Variants in ARHGAP12 observed in about 807,000 individuals in gnomAD.
ARHGAP12 encodes the protein Rho GTPase activating protein 12.
Under a neutral mutation model 108.6 loss-of-function variants are expected in ARHGAP12, and 64 were observed. The observed-to-expected ratio is 0.59, with a 90% CI of 0.48 to 0.73. The LOEUF is 0.73. ARHGAP12 is among the 30% of genes least tolerant of loss of function. The probability of loss-of-function intolerance (pLI) is 0.00; values close to 1 mark genes in which losing one functional copy is unlikely to be tolerated. For synonymous variants in ARHGAP12, 312 were observed against 337.2 expected (o/e 0.93, Z 0.82); for missense variants, 940 against 1,005.9 (o/e 0.93, Z 0.89).
intron 3 of ARHGAP12, among the ~76,000 whole-genome samples, chr10:31,900,440 T>G (rs1006557441): frequency 1.3e-5 from 2 of 152,104 alleles, no homozygotes; most frequent in East Asian, 1.9e-4. Flanking sequence ...CAACAAAAAC[T>G]GGAAGCAACC....
intron 9 of ARHGAP12, among the ~76,000 whole-genome samples, chr10:31,832,823 T>C (rs1564377476): frequency 1.3e-5 from 2 of 152,174 alleles, no homozygotes; most frequent in South Asian, 2.1e-4. Flanking sequence ...GAAAGTTTCG[T>C]CTGGTCTGAT....
chr10:31,926,775 C>T (rs1840066186), intron 1 of ARHGAP12, among the ~76,000 whole-genome samples: 1 of 152,178 alleles, frequency 6.6e-6, no homozygotes, highest in Non-Finnish European at 1.5e-5. Context: ...AAAGAAAAGT[C>T]AAATGATTAA....
At chr10:31,876,543 C>T (rs1193915923) in intron 3 of ARHGAP12, among the ~76,000 whole-genome samples, 1 of 133,084 alleles carries the variant, frequency 7.5e-6, no homozygotes, top group Admixed American at 7.6e-5. Flanking sequence ...AACAAAAAAC[C>T]ACCAAAAAAA....
At chr10:31,868,315 C>T (rs565108999) in intron 3 of ARHGAP12, among the ~76,000 whole-genome samples, 11 of 151,828 alleles carry the variant, frequency 7.2e-5, no homozygotes, top group African/African-American at 2.7e-4. Context: ...AATTTTAAAG[C>T]ATAAAGAAAA....
chr10:31,838,852 T>A (rs994010727), intron 9 of ARHGAP12, among the ~76,000 whole-genome samples: 4 of 143,748 alleles, frequency 2.8e-5, no homozygotes, highest in Non-Finnish European at 6.1e-5. Context: ...AAAAAAAAAA[T>A]TTAGCAGAGC....
chr10:31,829,403 G>A (rs1354061348), intron 10 of ARHGAP12, among the ~76,000 whole-genome samples: 2 of 152,122 alleles, frequency 1.3e-5, no homozygotes, highest in Non-Finnish European at 2.9e-5. Context: ...GAGATCTGTT[G>A]CACAACAATG....
At chr10:31,884,022 T>C (rs927983531) in intron 3 of ARHGAP12, among the ~76,000 whole-genome samples, 3 of 151,804 alleles carry the variant, frequency 2.0e-5, no homozygotes. Context: ...GCCTAAACTT[T>C]TTGTAAGCCA....
At chr10:31,815,003 C>T (rs1009764475) in intron 13 of ARHGAP12, among the ~76,000 whole-genome samples, 1 of 151,496 alleles carries the variant, frequency 6.6e-6, no homozygotes, top group Non-Finnish European at 1.5e-5. Context: ...GCCTGTAGTC[C>T]CAGCTACTTG....
At chr10:31,829,500 T>G (rs1028020245) in intron 10 of ARHGAP12, among the ~76,000 whole-genome samples, 1 of 152,102 alleles carries the variant, frequency 6.6e-6, no homozygotes, top group Non-Finnish European at 1.5e-5. Context: ...TAAAAAAAAT[T>G]GAAGCTTTCA....
At chr10:31,844,008 C>G (rs1455784240) in intron 6 of ARHGAP12, among the ~76,000 whole-genome samples, 2 of 151,042 alleles carry the variant, frequency 1.3e-5, no homozygotes, top group Non-Finnish European at 2.9e-5. Flanking sequence ...TTTTCTACTT[C>G]TATCTCTTCT....
chr10:31,892,548 G>A (rs963577061), intron 3 of ARHGAP12, among the ~76,000 whole-genome samples: 74 of 152,310 alleles, frequency 4.9e-4, no homozygotes, highest in African/African-American at 1.5e-3. Flanking sequence ...AACAAGAAGA[G>A]CTAACTATCC....
intron 3 of ARHGAP12, among the ~76,000 whole-genome samples, chr10:31,889,740 C>T (rs1163411640): frequency 6.6e-6 from 1 of 150,470 alleles, no homozygotes; most frequent in African/African-American, 2.4e-5. Flanking sequence ...AATTCTCCCA[C>T]CTCAGCCTCA....
intron 3 of ARHGAP12, among the ~76,000 whole-genome samples, chr10:31,900,579 G>A (rs1838877804): frequency 6.6e-6 from 1 of 152,182 alleles, no homozygotes; most frequent in African/African-American, 2.4e-5. Context: ...ACACTCCTAA[G>A]TGAAAGAAGC....
intron 3 of ARHGAP12, among the ~76,000 whole-genome samples, chr10:31,871,538 A>T (rs1564402313): frequency 6.6e-6 from 1 of 152,066 alleles, no homozygotes; most frequent in Non-Finnish European, 1.5e-5. Context: ...ATCTGTCACC[A>T]TTTCTCCCGC....
At position 31,885,863 on chromosome 10, in the gene ARHGAP12, TAC is replaced by T. The variant is rs370041752; in HGVS notation, c.684+22307_684+22308del. Among the ~76,000 whole-genome samples, 30 of 147,796 alleles carry T rather than the reference TAC, an allele frequency of 2.0e-4. No individual in the cohort carries two copies. The East Asian group carries it at 4.0e-3, about 20-fold the overall frequency. On this transcript the variant is annotated intron_variant, in intron 3 of 19. Transcript: ENST00000344936. ...AATTAAAAAAACACAAACAAACAAATACACAGTTATTCAACCATAGCTTAAAA... is the reference window on the plus strand; with the variant it reads ...AATTAAAAAAACACAAACAAACAAATACAGTTATTCAACCATAGCTTAAAA...
chr10:31,895,634 A>T (rs543538129), intron 3 of ARHGAP12, among the ~76,000 whole-genome samples: 2 of 151,736 alleles, frequency 1.3e-5, no homozygotes, highest in African/African-American at 4.8e-5. Flanking sequence ...ACACTTTTAC[A>T]TTGGTGGGAC....
intron 1 of ARHGAP12, among the ~76,000 whole-genome samples, chr10:31,927,374 T>C (rs1327450903): frequency 6.6e-6 from 1 of 152,182 alleles, no homozygotes; most frequent in African/African-American, 2.4e-5. Context: ...CTTTTAAGTA[T>C]GAAAGAGGCG....
intron 3 of ARHGAP12, among the ~76,000 whole-genome samples, chr10:31,876,547 A>C (rs1438254287): frequency 2.9e-5 from 2 of 68,564 alleles, no homozygotes; most frequent in African/African-American, 9.4e-5. Flanking sequence ...AAAAACCACC[A>C]AAAAAAAAAA....
chr10:31,926,743 ACT>A (rs1260166902), intron 1 of ARHGAP12, among the ~76,000 whole-genome samples: 2 of 152,336 alleles, frequency 1.3e-5, no homozygotes, highest in East Asian at 3.9e-4. Context: ...CTAAAAAACC[ACT>A]GAGCAGATTC....
Sources: allele counts gnomAD v4.1 joint callset (sites outside exome capture counted in the v4.1 genomes callset), GRCh38; gene constraint gnomAD v4.1.1; transcripts MANE v1.5; gene names NCBI Gene and HGNC (gene_info 2026-07-23, HGNC 2026-07-21).